Variants in DCPS observed in about 807,000 individuals in gnomAD.
DCPS encodes m7GpppX diphosphatase.
Under a neutral mutation model 34.7 loss-of-function variants are expected in DCPS, and 27 were observed. The observed-to-expected ratio is 0.78, with a 90% confidence interval of 0.57 to 1.07. The LOEUF is 1.07. DCPS is among the 50% of genes least tolerant of loss of function. DCPS has a pLI of 0.00. For missense variants in DCPS, 464 were observed against 436.9 expected (o/e 1.06, Z -0.55); for synonymous variants, 185 against 185.7 (o/e 1.00, Z 0.03).
rs1278293574 is a variant in DCPS, at chr11:126,336,807, C to T, written c.523-1479C>T. The T allele has an allele frequency of 2.0e-5, 3 of 152,362 alleles. No individual in the cohort carries two copies. The highest frequency in any genetic ancestry group is 4.4e-5 in the Non-Finnish European group (3 of 68,172). 9.4% of individuals were successfully genotyped at this position (152,362 alleles called of 1,614,324 possible). On this transcript the variant is annotated intron_variant, in intron 3 of 5. Coordinates refer to ENST00000263579, the MANE Select transcript of DCPS (RefSeq NM_014026.6). The surrounding 1 kb of genome is among the most constrained non-coding windows in gnomAD (Gnocchi z 6.3). ...TGGCTGCCAGGTGTCCTCCAGACCC[C>T]TCCCAGGAAGGGGCCTCATTCGGTT...
chr11:126,326,057 G>T (rs1288028889), intron 2 of DCPS, among the ~76,000 whole-genome samples: 2 of 152,210 alleles, frequency 1.3e-5, no homozygotes, highest in East Asian at 1.9e-4. Flanking sequence ...GGCGGAGGTT[G>T]CAGTGAGCCA....
chr11:126,343,189 T>A, intron 4 of DCPS, 118 bp from the exon 5 acceptor site: 1 of 750,804 alleles, frequency 1.3e-6, no homozygotes, highest in Non-Finnish European at 2.3e-6. Context: ...GCGGGGTTTC[T>A]CCTGGTGCTG....
At chr11:126,306,201 C>T (rs999564307) in intron 1 of DCPS, among the ~76,000 whole-genome samples, 5 of 151,946 alleles carry the variant, frequency 3.3e-5, no homozygotes, top group African/African-American at 9.7e-5. Flanking sequence ...GGTGAAACCC[C>T]ATCTCTACTA....
intron 2 of DCPS, among the ~76,000 whole-genome samples, chr11:126,330,709 ATATATATATATTTTTTTTTTTTTT>A (rs1305385135): frequency 7.2e-3 from 278 of 38,526 alleles, no homozygotes; most frequent in African/African-American, 0.021. Context: ...ATATATATAT[ATATATATATATTTTTTTTTTTTTT>A]TTTTTTTTTT....
At chr11:126,343,151 C>T (rs563193438) in intron 4 of DCPS, among the ~76,000 whole-genome samples, 156 bp from the exon 5 acceptor site, 1 of 152,086 alleles carries the variant, frequency 6.6e-6, no homozygotes, top group African/African-American at 2.4e-5. Context: ...TAAGACCATC[C>T]CACACGCCCG....
At chr11:126,343,471 C>T (rs1245417486) in intron 5 of DCPS, 54 bp downstream of exon 5, 4 of 1,413,702 alleles carry the variant, frequency 2.8e-6, no homozygotes, top group Non-Finnish European at 3.9e-6. Context: ...ACTCAGATTC[C>T]AGTGTGTTCC....
rs1367783983 is a variant in DCPS, at chr11:126,346,628, T to C, written c.*1015T>C. 6.6e-6 allele frequency among the ~76,000 whole-genome samples: 1 copy of C among 152,234 alleles called. No individual in the cohort carries two copies. ...CCAGAGGGGCTGGTGTTTGCCACTTTGTCAGAGTAGGGCTGTGGATTTTGT... is the reference window on the plus strand; with the variant it reads ...CCAGAGGGGCTGGTGTTTGCCACTTCGTCAGAGTAGGGCTGTGGATTTTGT... On this transcript the variant is annotated 3_prime_UTR_variant, in exon 6 of 6. Coordinates refer to ENST00000263579, the MANE Select transcript of DCPS (RefSeq NM_014026.6). The surrounding 1 kb of genome is among the most constrained non-coding windows in gnomAD (Gnocchi z 4.1).
chr11:126,327,462 C>T lies in DCPS; in HGVS notation c.377-3943C>T, dbSNP rs958362307. Among the ~76,000 whole-genome samples, 1 of 152,144 alleles carries T rather than the reference C, an allele frequency of 6.6e-6. No homozygotes were observed. Among genetic ancestry groups the T allele is most frequent in the Non-Finnish European group, 1.5e-5 (1 of 68,028 alleles). ...TGCTGCTGTAAAGCGACTCGTGTTC[C>T]CTTTGTAATTAATAAGTAATCTATG... On this transcript the variant is annotated intron_variant, in intron 2 of 5. Coordinates refer to ENST00000263579, the MANE Select transcript of DCPS (RefSeq NM_014026.6). This position sits in a 1 kb window ranked among gnomAD's most constrained non-coding sequence, Gnocchi z 4.1.
In DCPS at chr11:126,325,079, C is replaced by T. The variant is rs191925973; in HGVS notation, c.377-6326C>T. Among the ~76,000 whole-genome samples, 330 of 152,138 alleles carry T rather than the reference C, an allele frequency of 2.2e-3. 1 individual carries two copies. Among genetic ancestry groups the T allele is most frequent in the African/African-American group, 7.4e-3 (306 of 41,506 alleles). ...GCACCTGTAATCCCAGCTACTCACT[C>T]GGGTTGCTGAGGCACGAGAATCGCT... On this transcript the variant is annotated intron_variant, in intron 2 of 5. Coordinates refer to ENST00000263579, the MANE Select transcript of DCPS (RefSeq NM_014026.6). This position sits in a 1 kb window ranked among gnomAD's most constrained non-coding sequence, Gnocchi z 4.3.
rs1402356497 is a variant in DCPS at position 126,345,441 on chromosome 11, CCG to C, written c.844_845del (p.Ala282ProfsTer18). The C allele has an allele frequency of 2.5e-6, 4 of 1,614,228 alleles. No homozygotes were observed. The highest frequency in any genetic ancestry group is 3.4e-6 in the Non-Finnish European group (4 of 1,180,030). ...TACTACCACCTGCATGTGCACTTCA[CCG>C]CCCTGGGCTTCGAGGCCCCCGGCTC... On this transcript the variant is annotated frameshift_variant, in exon 6 of 6. Transcript: ENST00000263579. LOFTEE classifies it high-confidence loss of function. This position sits in a 1 kb window ranked among gnomAD's most constrained non-coding sequence, Gnocchi z 7.4.
chr11:126,309,062 T>C (rs966382227), intron 2 of DCPS, among the ~76,000 whole-genome samples: 1 of 150,454 alleles, frequency 6.6e-6, no homozygotes, highest in African/African-American at 2.4e-5. Flanking sequence ...TTTGCTCTTG[T>C]CACCCAGACT....
At position 126,332,090 on chromosome 11, in the gene DCPS, A is replaced by G. The variant is rs1256679620; in HGVS notation, c.522+540A>G. Among the ~76,000 whole-genome samples, 1 of 152,228 alleles carries G rather than the reference A, an allele frequency of 6.6e-6. No homozygotes were observed. Among genetic ancestry groups the G allele is most frequent in the Non-Finnish European group, 1.5e-5 (1 of 68,036 alleles). On this transcript the variant is annotated intron_variant, in intron 3 of 5. Coordinates refer to ENST00000263579, the MANE Select transcript of DCPS (RefSeq NM_014026.6). This position sits in a 1 kb window ranked among gnomAD's most constrained non-coding sequence, Gnocchi z 5.4. Reference sequence around the variant, plus strand: ...ATGTTGAGTGAGTCCCACCCTGTCCAGACTCTTATTCCTGGTTTCACCTGC... The same window carrying G: ...ATGTTGAGTGAGTCCCACCCTGTCCGGACTCTTATTCCTGGTTTCACCTGC...
chr11:126,328,078 G>C lies in DCPS; in HGVS notation c.377-3327G>C, dbSNP rs922862002. Among the ~76,000 whole-genome samples the C allele has an allele frequency of 6.6e-6, 1 of 152,352 alleles. No individual in the cohort carries two copies. Among genetic ancestry groups the C allele is most frequent in the East Asian group, 1.9e-4 (1 of 5,180 alleles). ...GTTGGGTAGGAGGGTCAGCTCGGCC[G>C]TGGGAGCGGCCAGGGCACGGCCTGG... On this transcript the variant is annotated intron_variant, in intron 2 of 5. Transcript: ENST00000263579. The surrounding 1 kb of genome is among the most constrained non-coding windows in gnomAD (Gnocchi z 6.6).
At position 126,328,990 on chromosome 11, in the gene DCPS, G is replaced by T. The variant is rs1951761620; in HGVS notation, c.377-2415G>T. Among the ~76,000 whole-genome samples the T allele has an allele frequency of 6.6e-6, 1 of 152,176 alleles. No individual in the cohort carries two copies. The highest frequency in any genetic ancestry group is 2.4e-5 in the African/African-American group (1 of 41,436). ...AGGTTACGCCACTAATAAGTGCAGA[G>T]CCAGGACTTGCACCCAGGCTGACTG... On this transcript the variant is annotated intron_variant, in intron 2 of 5. Coordinates refer to ENST00000263579, the MANE Select transcript of DCPS (RefSeq NM_014026.6). This position sits in a 1 kb window ranked among gnomAD's most constrained non-coding sequence, Gnocchi z 6.6.
intron 1 of DCPS, among the ~76,000 whole-genome samples, chr11:126,306,262 A>G (rs1190668188): frequency 1.3e-5 from 2 of 152,030 alleles, no homozygotes; most frequent in African/African-American, 4.8e-5. Flanking sequence ...AATCCCAGCT[A>G]CTCAGGAGGC....
rs1470070016 is a variant in DCPS at position 126,325,753 on chromosome 11, T to C, written c.377-5652T>C. Among the ~76,000 whole-genome samples, 1 of 146,974 alleles carries C rather than the reference T, an allele frequency of 6.8e-6. No homozygotes were observed. Among genetic ancestry groups the C allele is most frequent in the East Asian group, 1.9e-4 (1 of 5,196 alleles). ...TCTGTAAGGAGTGTTGGAGGTGCTC[T>C]TAATATATTGTGAAGATTTTCCAGG... On this transcript the variant is annotated intron_variant, in intron 2 of 5. Transcript: ENST00000263579. The surrounding 1 kb of genome is among the most constrained non-coding windows in gnomAD (Gnocchi z 4.3).
At chr11:126,339,383 G>A (rs1222772326) in intron 4 of DCPS, among the ~76,000 whole-genome samples, 3 of 152,184 alleles carry the variant, frequency 2.0e-5, no homozygotes, top group Admixed American at 6.5e-5. Context: ...AGTGAGCCTC[G>A]TCTGCCCCTC....
intron 4 of DCPS, among the ~76,000 whole-genome samples, chr11:126,339,090 C>A (rs543746190): frequency 6.6e-6 from 1 of 152,306 alleles, no homozygotes. Context: ...AGCTTTTATA[C>A]CCTGACAGGG....
chr11:126,319,554 C>T lies in DCPS; in HGVS notation c.377-11851C>T, dbSNP rs1473570884. ...CAGGAAGCATCTTGGAGGGCACAAG[C>T]AGAGCATGAGCAGTGTCATCTCTGC... On this transcript the variant is annotated intron_variant, in intron 2 of 5. Transcript: ENST00000263579. This position sits in a 1 kb window ranked among gnomAD's most constrained non-coding sequence, Gnocchi z 4.5. Among the ~76,000 whole-genome samples the T allele has an allele frequency of 2.6e-5, 4 of 152,148 alleles. No homozygotes were observed. The highest frequency in any genetic ancestry group is 5.9e-5 in the Non-Finnish European group (4 of 68,020).
Sources: allele counts gnomAD v4.1 joint callset (sites outside exome capture counted in the v4.1 genomes callset), GRCh38; gene constraint gnomAD v4.1.1; non-coding constraint Gnocchi (gnomAD v3.1); transcripts MANE v1.5; gene names NCBI Gene and HGNC (gene_info 2026-07-23, HGNC 2026-07-21).